The following TMCC1 variants were observed in gnomAD, a reference collection of about 807,000 sequenced individuals.
TMCC1 encodes transmembrane and coiled-coil domain family 1.
In TMCC1, 15 loss-of-function variants were observed where a neutral mutation model predicts 52.4. That is an observed-to-expected ratio of 0.29 (90% CI 0.19 to 0.44). The LOEUF is 0.44. Among genes scored for constraint, TMCC1 ranks in the 20% least tolerant of loss-of-function variants. The pLI is 1.00. For synonymous variants in TMCC1, 279 were observed against 301.9 expected, an observed-to-expected ratio of 0.92 and a Z score of 0.79; for missense variants, 503 against 806.0, an observed-to-expected ratio of 0.62 and a Z score of 4.55.
At chr3:129,657,236 C>T (rs1234652389) in intron 5 of TMCC1, among the ~76,000 whole-genome samples, 1 of 152,144 alleles carries the variant, frequency 6.6e-6, no homozygotes, top group Non-Finnish European at 1.5e-5. Context: ...CAGGCTACCA[C>T]ACAACCTCTT....
At chr3:129,722,878 G>T (rs908390344) in intron 4 of TMCC1, among the ~76,000 whole-genome samples, 1 of 152,170 alleles carries the variant, frequency 6.6e-6, no homozygotes, top group Admixed American at 6.5e-5. Context: ...TGCTTAAAAA[G>T]TTGGCATTTA....
chr3:129,696,667 C>T (rs2047435602), intron 4 of TMCC1, among the ~76,000 whole-genome samples: 1 of 152,166 alleles, frequency 6.6e-6, no homozygotes, highest in Admixed American at 6.5e-5. Context: ...TCTTTTCCGC[C>T]TATGAGCCTG....
At chr3:129,675,020 A>T (rs2088286387) in intron 4 of TMCC1, among the ~76,000 whole-genome samples, 1 of 151,952 alleles carries the variant, frequency 6.6e-6, no homozygotes, top group African/African-American at 2.4e-5. Context: ...TTGCATTTTT[A>T]GTAGAGACGG....
intron 4 of TMCC1, among the ~76,000 whole-genome samples, chr3:129,774,525 G>A (rs983992889): frequency 2.6e-5 from 4 of 152,130 alleles, no homozygotes; most frequent in African/African-American, 9.7e-5. Flanking sequence ...GTGGAAAACA[G>A]ACACAATTCA....
chr3:129,843,808 TA>T, intron 2 of TMCC1, among the ~76,000 whole-genome samples: 1 of 148,028 alleles, frequency 6.8e-6, no homozygotes, highest in East Asian at 2.1e-4. Flanking sequence ...AAATAAGAAA[TA>T]ATAACAATTC....
chr3:129,785,088 G>A (rs911722320), intron 4 of TMCC1, among the ~76,000 whole-genome samples: 3 of 152,172 alleles, frequency 2.0e-5, no homozygotes, highest in South Asian at 2.1e-4. Context: ...TGGAGGAAAA[G>A]TTTTCCAGGT....
intron 3 of TMCC1, 153 bp downstream of exon 3, chr3:129,832,621 A>G (rs1446511094): frequency 6.6e-6 from 1 of 152,274 alleles, no homozygotes; most frequent in Non-Finnish European, 1.5e-5. Context: ...CCACAAAATC[A>G]CAGCAAATTA....
At chr3:129,768,703 T>C (rs1397338253) in intron 4 of TMCC1, among the ~76,000 whole-genome samples, 1 of 152,236 alleles carries the variant, frequency 6.6e-6, no homozygotes, top group Admixed American at 6.5e-5. Context: ...ATTTATTTAA[T>C]TCAAAGTATA....
intron 4 of TMCC1, among the ~76,000 whole-genome samples, chr3:129,789,541 C>T (rs1051468520): frequency 2.0e-5 from 3 of 152,148 alleles, no homozygotes; most frequent in Non-Finnish European, 2.9e-5. Flanking sequence ...AGTGCAGTGG[C>T]GCGATCTCGG....
chr3:129,842,397 T>C (rs191671251), intron 2 of TMCC1, among the ~76,000 whole-genome samples: 1 of 151,604 alleles, frequency 6.6e-6, no homozygotes, highest in East Asian at 1.9e-4. Context: ...ACTTGGGAGG[T>C]AGAAGTTGCA....
chr3:129,865,855 C>A (rs2060598943), intron 2 of TMCC1, among the ~76,000 whole-genome samples: 1 of 152,160 alleles, frequency 6.6e-6, no homozygotes, highest in South Asian at 2.1e-4. Context: ...AAAAATATCA[C>A]TGCAAAATGC....
At chr3:129,718,352 G>A (rs2049269066) in intron 4 of TMCC1, among the ~76,000 whole-genome samples, 1 of 152,220 alleles carries the variant, frequency 6.6e-6, no homozygotes, top group African/African-American at 2.4e-5. Context: ...AGTGAGTGAA[G>A]TATTGCAAGT....
chr3:129,750,833 C>T (rs2052444187), intron 4 of TMCC1, among the ~76,000 whole-genome samples: 2 of 151,030 alleles, frequency 1.3e-5, no homozygotes, highest in African/African-American at 2.4e-5. Context: ...CCACAGCCTC[C>T]CAAAGTGCTG....
intron 4 of TMCC1, among the ~76,000 whole-genome samples, chr3:129,703,494 G>C (rs1315441999): frequency 6.6e-6 from 1 of 152,234 alleles, no homozygotes; most frequent in African/African-American, 2.4e-5. Context: ...ACAGGAGACA[G>C]ACTTGAGTCA....
chr3:129,789,392 C>T (rs1410962580), intron 4 of TMCC1, among the ~76,000 whole-genome samples: 1 of 152,274 alleles, frequency 6.6e-6, no homozygotes, highest in South Asian at 2.1e-4. Flanking sequence ...AGGCCATAAA[C>T]CCAAAAGAAA....
intron 4 of TMCC1, among the ~76,000 whole-genome samples, chr3:129,804,857 T>C (rs191681890): frequency 9.2e-5 from 14 of 152,296 alleles, no homozygotes; most frequent in African/African-American, 3.1e-4. Context: ...ATCCCCATTT[T>C]ACCTCATCCT....
chr3:129,749,051 CACA>C (rs1560325305), intron 4 of TMCC1, among the ~76,000 whole-genome samples: 1 of 151,914 alleles, frequency 6.6e-6, no homozygotes, highest in Non-Finnish European at 1.5e-5. Flanking sequence ...ATTGAATTTC[CACA>C]ACAACCCAAT....
intron 4 of TMCC1, among the ~76,000 whole-genome samples, chr3:129,779,063 T>C (rs1350931635): frequency 6.6e-6 from 1 of 152,092 alleles, no homozygotes; most frequent in Non-Finnish European, 1.5e-5. Flanking sequence ...ATTTGGCAAT[T>C]CATTCAGAAT....
chr3:129,663,450 C>A (rs2108868076), intron 5 of TMCC1, among the ~76,000 whole-genome samples: 1 of 152,308 alleles, frequency 6.6e-6, no homozygotes. Context: ...AGTAGAGAGA[C>A]ACAGTTGGGG....
Sources: gnomAD v4.1 joint callset for allele counts (sites outside exome capture counted in the v4.1 genomes callset) on GRCh38, gnomAD v4.1.1 for gene constraint, MANE v1.5 for transcripts, NCBI Gene and HGNC (gene_info 2026-07-23, HGNC 2026-07-21) for gene names.